The following GALNT1 variants were observed in gnomAD, a reference collection of about 807,000 sequenced individuals.
GALNT1 encodes the protein GalNAc transferase 1.
A neutral mutation model predicts 65.7 loss-of-function variants in GALNT1; 17 were observed. The ratio of observed to expected loss-of-function variants is 0.26; its 90% CI spans 0.18 to 0.39. The LOEUF (loss-of-function observed/expected upper bound fraction) is 0.39, where lower values mean the gene tolerates loss of function less well. GALNT1 is among the 10% of genes least tolerant of loss of function. The pLI, the probability that GALNT1 is intolerant of heterozygous loss-of-function variation, is 1.00. For synonymous variants in GALNT1, 210 were observed against 219.7 expected, an observed-to-expected ratio of 0.96 and a Z score of 0.39; for missense variants, 460 against 672.8, an observed-to-expected ratio of 0.68 and a Z score of 3.50.
intron 1 of GALNT1, among the ~76,000 whole-genome samples, chr18:35,649,820 A>G (rs2047285931): frequency 6.6e-6 from 1 of 152,058 alleles, no homozygotes; most frequent in Non-Finnish European, 1.5e-5. Context: ...TGTTGAAAAA[A>G]CTGTTATTTC....
chr18:35,616,524 T>A lies in GALNT1; in HGVS notation c.-104+34662T>A, dbSNP rs1054171257. Among the ~76,000 whole-genome samples the A allele has an allele frequency of 5.9e-5, 9 of 152,212 alleles. No homozygotes were observed. In the East Asian group the frequency reaches 1.3e-3, roughly 23 times the overall value. On this transcript the variant is annotated intron_variant, in intron 1 of 11. Coordinates refer to ENST00000269195, the MANE Select transcript of GALNT1 (RefSeq NM_020474.4). ...TGCTTTGGACACTGGGTGTTTTTTT[T>A]ATCTGACCTGCATTGCATATGGCTA...
intron 1 of GALNT1, among the ~76,000 whole-genome samples, chr18:35,609,252 A>AG (rs1179083948): frequency 6.6e-6 from 1 of 152,214 alleles, no homozygotes; most frequent in African/African-American, 2.4e-5. Context: ...GGTACTGTAG[A>AG]GGATAGCTAT....
chr18:35,682,489 T>C (rs1239589600), intron 4 of GALNT1, among the ~76,000 whole-genome samples: 1 of 152,190 alleles, frequency 6.6e-6, no homozygotes, highest in African/African-American at 2.4e-5. Context: ...GTATGGTGAC[T>C]AGTTGGAAAG....
chr18:35,687,551 G>A (rs774911953), intron 6 of GALNT1, among the ~76,000 whole-genome samples: 3 of 151,912 alleles, frequency 2.0e-5, no homozygotes, highest in Non-Finnish European at 4.4e-5. Context: ...CCTAAAACTG[G>A]GTCCTTGCAT....
chr18:35,667,699 A>G (rs1187505729), intron 3 of GALNT1, among the ~76,000 whole-genome samples: 1 of 152,122 alleles, frequency 6.6e-6, no homozygotes, highest in East Asian at 1.9e-4. Context: ...TGAAGAATCC[A>G]GGTAGAATGC....
intron 9 of GALNT1, among the ~76,000 whole-genome samples, chr18:35,692,784 A>G (rs983894578): frequency 6.6e-6 from 1 of 152,180 alleles, no homozygotes; most frequent in Admixed American, 6.5e-5. Flanking sequence ...TAGAAGGACA[A>G]TATTTCCTTT....
Position 35,691,363 on chromosome 18 carries a change from AATG to A in GALNT1, c.1159+172_1159+174del, listed in dbSNP as rs1455676038. 5.7e-4 allele frequency: 262 copies of A among 456,672 alleles called. 1 individual carries two copies. The East Asian group carries it at 8.4e-3, about 15-fold the overall frequency. 28.3% of individuals were successfully genotyped at this position (456,672 alleles called of 1,614,324 possible). On this transcript the variant is annotated intron_variant, in intron 8 of 11. Coordinates refer to ENST00000269195, the MANE Select transcript of GALNT1 (RefSeq NM_020474.4). Reference sequence around the variant, plus strand: ...ACACAGTATAGAAAGTGCTTGGCAGAATGCCTAGAATAATATATAATTAACAGT... The same window carrying A: ...ACACAGTATAGAAAGTGCTTGGCAGACCTAGAATAATATATAATTAACAGT...
intron 4 of GALNT1, among the ~76,000 whole-genome samples, chr18:35,682,166 G>T (rs2047796425): frequency 6.6e-6 from 1 of 151,946 alleles, no homozygotes; most frequent in Non-Finnish European, 1.5e-5. Context: ...TAACTTTTTA[G>T]CTCAAATATT....
chr18:35,645,827 G>A (rs939004749), intron 1 of GALNT1, among the ~76,000 whole-genome samples: 3 of 152,132 alleles, frequency 2.0e-5, no homozygotes, highest in Non-Finnish European at 2.9e-5. Flanking sequence ...CATTAAATAT[G>A]ATGTTTATTG....
intron 1 of GALNT1, among the ~76,000 whole-genome samples, chr18:35,650,551 T>C (rs1314510381): frequency 6.6e-6 from 1 of 152,154 alleles, no homozygotes; most frequent in African/African-American, 2.4e-5. Flanking sequence ...CGGGGCTTAT[T>C]TCATCCCTTA....
chr18:35,679,069 A>G (rs1410429530), intron 4 of GALNT1, among the ~76,000 whole-genome samples: 1 of 152,208 alleles, frequency 6.6e-6, no homozygotes, highest in Non-Finnish European at 1.5e-5. Flanking sequence ...ACATGTCAGA[A>G]GGAATGAGAG....
intron 3 of GALNT1, chr18:35,664,551 A>G (rs917455187): frequency 1.3e-5 from 2 of 152,234 alleles, no homozygotes; most frequent in Admixed American, 1.3e-4. Flanking sequence ...AGTGCCCATT[A>G]CCGTATGCTA....
chr18:35,709,457 TC>T (rs1475269347), intron 11 of GALNT1, among the ~76,000 whole-genome samples, 166 bp from the exon 12 acceptor site: 2 of 151,912 alleles, frequency 1.3e-5, no homozygotes, highest in African/African-American at 4.8e-5. Context: ...TCTCTCTCTC[TC>T]TCTGTTTCTC....
chr18:35,615,660 A>G (rs1354601593), intron 1 of GALNT1, among the ~76,000 whole-genome samples: 5 of 152,236 alleles, frequency 3.3e-5, no homozygotes, highest in Non-Finnish European at 7.3e-5. Flanking sequence ...ACAAAGGATA[A>G]GGATTTTTAG....
intron 3 of GALNT1, among the ~76,000 whole-genome samples, chr18:35,675,542 A>G (rs975825259): frequency 2.6e-5 from 4 of 152,168 alleles, no homozygotes; most frequent in African/African-American, 9.7e-5. Context: ...TTAACATATT[A>G]TACAAGTAGT....
intron 1 of GALNT1, among the ~76,000 whole-genome samples, chr18:35,594,609 G>A (rs2046483387): frequency 6.6e-6 from 1 of 152,222 alleles, no homozygotes; most frequent in Non-Finnish European, 1.5e-5. Context: ...ATGTAAGGCT[G>A]AAAGGTCCAA....
chr18:35,694,264 T>G (rs772546566), intron 9 of GALNT1, among the ~76,000 whole-genome samples: 3 of 152,130 alleles, frequency 2.0e-5, no homozygotes, highest in Non-Finnish European at 4.4e-5. Context: ...GATAAATAGG[T>G]GGTAGCTGGA....
At chr18:35,636,022 A>G (rs1034447012) in intron 1 of GALNT1, among the ~76,000 whole-genome samples, 1 of 152,138 alleles carries the variant, frequency 6.6e-6, no homozygotes, top group Non-Finnish European at 1.5e-5. Context: ...TTTAAAAAAG[A>G]ATGTCTGATT....
At chr18:35,661,970 C>T (rs990322682) in intron 2 of GALNT1, among the ~76,000 whole-genome samples, 1 of 152,064 alleles carries the variant, frequency 6.6e-6, no homozygotes, top group African/African-American at 2.4e-5. Flanking sequence ...GTTATCTGTG[C>T]CATCCACAAA....
Sources: gnomAD v4.1 joint callset for allele counts (sites outside exome capture counted in the v4.1 genomes callset) on GRCh38, gnomAD v4.1.1 for gene constraint, MANE v1.5 for transcripts, NCBI Gene and HGNC (gene_info 2026-07-23, HGNC 2026-07-21) for gene names.